The following CALHM4 variants were observed in gnomAD, a reference collection of about 807,000 sequenced individuals.
CALHM4 encodes the protein calcium homeostasis modulator protein 4.
Under a neutral mutation model 13.3 loss-of-function variants are expected in CALHM4, and 16 were observed. The ratio of observed to expected loss-of-function variants is 1.20; its 90% CI spans 0.81 to 1.82. The LOEUF (loss-of-function observed/expected upper bound fraction) is 1.82, where lower values mean the gene tolerates loss of function less well. Ranked by LOEUF, CALHM4 falls within the 40% of genes most tolerant of loss-of-function variation. The pLI is 0.00. For synonymous variants in CALHM4, 127 were observed against 137.1 expected (o/e 0.93, Z 0.52); for missense variants, 344 against 374.9 (o/e 0.92, Z 0.68).
In CALHM4 at chr6:116,559,961, AAG is replaced by A. The variant is rs1163430462; in HGVS notation, c.*1751_*1752del. 1.3e-5 allele frequency among the ~76,000 whole-genome samples: 2 copies of A among 152,150 alleles called. No individual in the cohort carries two copies. The highest frequency in any genetic ancestry group is 1.3e-4 in the Admixed American group (2 of 15,280). ...CTGATCTTTTTCAAGTCATCAAGGA[AAG>A]CCATTCCAGTTTGTCTACTAACTCT... On this transcript the variant is annotated 3_prime_UTR_variant, in exon 2 of 2. Transcript: ENST00000368596.
intron 1 of CALHM4, among the ~76,000 whole-genome samples, chr6:116,555,650 G>A (rs1188226629): frequency 6.6e-6 from 1 of 152,096 alleles, no homozygotes; most frequent in Non-Finnish European, 1.5e-5. Flanking sequence ...ATAATTCAGG[G>A]CTAATAAACT....
At chr6:116,549,056 C>T (rs191618271), upstream of CALHM4, among the ~76,000 whole-genome samples, 1,824 of 152,134 alleles carry the variant, frequency 0.012, 22 homozygotes, top group Middle Eastern at 0.02. Context: ...AGACCGAGGT[C>T]GGTGGATCAC....
upstream of CALHM4, among the ~76,000 whole-genome samples, chr6:116,551,865 C>T: frequency 6.6e-6 from 1 of 152,122 alleles, no homozygotes; most frequent in Non-Finnish European, 1.5e-5. Context: ...GCCTCCTTGC[C>T]AACATTTGGT....
chr6:116,549,331 A>G (rs893172041), upstream of CALHM4, among the ~76,000 whole-genome samples: 1 of 152,188 alleles, frequency 6.6e-6, no homozygotes, highest in African/African-American at 2.4e-5. Context: ...TATAAGCCTA[A>G]GGAAAGATGT....
intron 1 of CALHM4, among the ~76,000 whole-genome samples, chr6:116,542,377 A>G (rs563766244): frequency 1.3e-5 from 2 of 152,276 alleles, no homozygotes; most frequent in South Asian, 4.1e-4. Context: ...AAGAAAAATG[A>G]GAGTTTTTTA....
rs1474286529 is a variant in CALHM4, at chr6:116,553,878, G to C, written c.85G>C (p.Gly29Arg). The change falls in exon 1 of 2, where the codon GGT (glycine) becomes CGT (arginine). Residue 29 changes from glycine (G) to arginine (R), a missense_variant. Physicochemically the swap from Gly to Arg is moderately radical, Grantham distance 125. Coordinates refer to ENST00000368596, the MANE Select transcript of CALHM4 (RefSeq NM_001366078.2). Reference sequence around the variant, plus strand: ...TTCTTTAATTGCAGCCTTGACTATTGGTGGGCAACAACTCTTCTCCTCTTC... The same window carrying C: ...TTCTTTAATTGCAGCCTTGACTATTCGTGGGCAACAACTCTTCTCCTCTTC... ...INSLIAALTI[G>R]GQQLFSSSTF... is the part of the protein sequence containing the mutation. 14 of 1,550,582 alleles carry C rather than the reference G, an allele frequency of 9.0e-6. No homozygotes were observed. The highest frequency in any genetic ancestry group is 1.2e-5 in the Non-Finnish European group (14 of 1,146,990).
At position 116,557,844 on chromosome 6, in the gene CALHM4, T is replaced by C; in HGVS notation, c.578T>C (p.Ile193Thr). ...YQSQMLGWIL[I>T]TLATIAALVS... The stretch of plus-strand genomic sequence containing the variant: ...GTGAAGATGCTGGGTTGGATTTTGA[T>C]CACCTTGGCAACCATTGCTGCCTTA... Residue 193 changes from isoleucine (I) to threonine (T), a missense_variant, in exon 2 of 2, where the codon ATC becomes ACC. Coordinates refer to ENST00000368596, the MANE Select transcript of CALHM4 (RefSeq NM_001366078.2). The C allele has an allele frequency of 1.2e-6, 2 of 1,611,714 alleles. No homozygotes were observed. The highest frequency in any genetic ancestry group is 1.7e-6 in the Non-Finnish European group (2 of 1,178,224).
intron 1 of CALHM4, among the ~76,000 whole-genome samples, chr6:116,531,098 C>T (rs1297975123): frequency 6.6e-6 from 1 of 151,874 alleles, no homozygotes; most frequent in Non-Finnish European, 1.5e-5. Flanking sequence ...ATTCTGGCCA[C>T]AGTTAATGGA....
At chr6:116,538,642 G>A (rs1773241360) in intron 1 of CALHM4, among the ~76,000 whole-genome samples, 1 of 151,732 alleles carries the variant, frequency 6.6e-6, no homozygotes, top group Non-Finnish European at 1.5e-5. Flanking sequence ...CAGGAGTCAG[G>A]TTTTATTTTC....
upstream of CALHM4, among the ~76,000 whole-genome samples, chr6:116,549,983 TATATA>T (rs1773980840): frequency 1.4e-3 from 54 of 39,514 alleles, no homozygotes; most frequent in Middle Eastern, 0.012. Context: ...TCTTAAATTA[TATATA>T]TATATATATA....
At chr6:116,548,513 T>G (rs1773909140) in intron 2 of CALHM4, among the ~76,000 whole-genome samples, 1 of 152,186 alleles carries the variant, frequency 6.6e-6, no homozygotes, top group Non-Finnish European at 1.5e-5. Context: ...ATCTACAAAC[T>G]CCTTTACAGC....
At position 116,558,899 on chromosome 6, in the gene CALHM4, T is replaced by C. The variant is rs1384202862; in HGVS notation, c.*688T>C. 1.3e-5 allele frequency: 2 copies of C among 152,220 alleles called. No homozygotes were observed. Among genetic ancestry groups the C allele is most frequent in the Non-Finnish European group, 2.9e-5 (2 of 68,042 alleles). The allele number at this position is 152,220 out of a possible 1,614,324, so 9.4% of individuals were successfully genotyped here. A position where few individuals can be genotyped will look rare whatever the true frequency, so the allele number is the denominator to read the frequency against. On this transcript the variant is annotated 3_prime_UTR_variant, in exon 2 of 2. Coordinates refer to ENST00000368596, the MANE Select transcript of CALHM4 (RefSeq NM_001366078.2). ...ATATTATTTATCATTATTAGTATCA[T>C]GTTATTTGTAGCACCTCCATACTAG...
chr6:116,532,316 G>T (rs1772783422), intron 1 of CALHM4, among the ~76,000 whole-genome samples: 1 of 152,240 alleles, frequency 6.6e-6, no homozygotes, highest in South Asian at 2.1e-4. Flanking sequence ...GCCCAGGCAG[G>T]TCTCGAACTC....
chr6:116,548,054 T>C (rs1173784361), intron 2 of CALHM4, among the ~76,000 whole-genome samples: 1 of 152,190 alleles, frequency 6.6e-6, no homozygotes, highest in African/African-American at 2.4e-5. Flanking sequence ...GGTCTGAATG[T>C]CCCTAAAATT....
At chr6:116,552,883 G>A (rs901942651), upstream of CALHM4, among the ~76,000 whole-genome samples, 5 of 152,122 alleles carry the variant, frequency 3.3e-5, no homozygotes, top group African/African-American at 1.2e-4. Context: ...GACCATCTTG[G>A]CTTACACGGT....
At chr6:116,533,464 T>C (rs1489956231) in intron 1 of CALHM4, among the ~76,000 whole-genome samples, 1 of 152,198 alleles carries the variant, frequency 6.6e-6, no homozygotes, top group Non-Finnish European at 1.5e-5. Flanking sequence ...CACCTCTTCC[T>C]TCCACCAGAC....
chr6:116,542,840 C>T lies in CALHM4; in HGVS notation c.-108-925C>T, dbSNP rs570958202. On this transcript the variant is annotated intron_variant, in intron 1 of 2. Coordinates refer to the CALHM4 transcript ENST00000368597. ...CCCTTTAATTCACAATTCCTATTTTCTCCATCTTCCCCTTAGGAAACTACC... is the reference window on the plus strand; with the variant it reads ...CCCTTTAATTCACAATTCCTATTTTTTCCATCTTCCCCTTAGGAAACTACC... Among the ~76,000 whole-genome samples the T allele has an allele frequency of 9.2e-5, 14 of 152,198 alleles. No homozygotes were observed. The East Asian group carries it at 1.7e-3, about 19-fold the overall frequency.
intron 1 of CALHM4, among the ~76,000 whole-genome samples, chr6:116,533,322 GTATT>G: frequency 6.6e-6 from 1 of 152,304 alleles, no homozygotes. Context: ...AAATTTCACA[GTATT>G]TAACAAAAAG....
In CALHM4 at chr6:116,539,554, A is replaced by C. The variant is rs190974661; in HGVS notation, c.-108-4211A>C. ...TAGTAACTCCAATTCTGCCTATTTC[A>C]GAGGGTTACTGTGACAGTGAAAGAC... On this transcript the variant is annotated intron_variant, in intron 1 of 2. Transcript: ENST00000368597. Among the ~76,000 whole-genome samples the C allele has an allele frequency of 1.6e-3, 237 of 152,296 alleles. 1 individual carries two copies. Among genetic ancestry groups the C allele is most frequent in the Middle Eastern group, 6.8e-3 (2 of 294 alleles).
Sources: allele counts gnomAD v4.1 joint callset (sites outside exome capture counted in the v4.1 genomes callset), GRCh38; gene constraint gnomAD v4.1.1; transcripts MANE v1.5; gene names NCBI Gene and HGNC (gene_info 2026-07-23, HGNC 2026-07-21).